Variants in VIT observed in about 807,000 individuals in gnomAD.
VIT encodes the protein vitrin.
A neutral mutation model predicts 78.0 loss-of-function variants in VIT; 99 were observed. The observed-to-expected ratio is 1.27, with a 90% CI of 1.08 to 1.50. VIT has a LOEUF of 1.50. Among genes scored for constraint, VIT ranks in the 40% most tolerant of loss-of-function variants. The pLI is 0.00. For missense variants in VIT, 1,126 were observed against 875.3 expected (o/e 1.29, Z -3.61); for synonymous variants, 374 against 334.3 (o/e 1.12, Z -1.29).
intron 1 of VIT, among the ~76,000 whole-genome samples, chr2:36,708,670 C>T (rs900936307): frequency 5.3e-5 from 8 of 152,134 alleles, no homozygotes; most frequent in African/African-American, 1.7e-4. Flanking sequence ...GCTCCTCTGT[C>T]GCTGGGTCCT....
intron 1 of VIT, among the ~76,000 whole-genome samples, chr2:36,708,694 C>T (rs892121532): frequency 2.0e-5 from 3 of 152,104 alleles, no homozygotes; most frequent in African/African-American, 7.2e-5. Context: ...CTTTCCTGTT[C>T]ACTCATTCAT....
At chr2:36,740,201 G>A (rs1283575908) in intron 3 of VIT, among the ~76,000 whole-genome samples, 1 of 152,186 alleles carries the variant, frequency 6.6e-6, no homozygotes, top group East Asian at 1.9e-4. Context: ...AGGAAGAAAG[G>A]AAAACCTAAG....
At chr2:36,794,567 G>A (rs962225738) in intron 12 of VIT, among the ~76,000 whole-genome samples, 1 of 152,184 alleles carries the variant, frequency 6.6e-6, no homozygotes, top group African/African-American at 2.4e-5. Flanking sequence ...ATTATGATTA[G>A]AGTGAAATTT....
chr2:36,747,339 T>C (rs180820592), intron 4 of VIT, among the ~76,000 whole-genome samples: 10 of 152,310 alleles, frequency 6.6e-5, no homozygotes, highest in Admixed American at 1.3e-4. Context: ...TGAGTGTAAG[T>C]CCAGAATTTC....
chr2:36,773,054 G>T (rs1040147221), intron 7 of VIT, among the ~76,000 whole-genome samples: 43 of 152,198 alleles, frequency 2.8e-4, no homozygotes, highest in Non-Finnish European at 1.9e-4. Context: ...ATAACCCATT[G>T]TGTACCTCTA....
intron 3 of VIT, among the ~76,000 whole-genome samples, chr2:36,741,833 G>A (rs1260912726): frequency 1.3e-5 from 2 of 152,090 alleles, no homozygotes; most frequent in Non-Finnish European, 2.9e-5. Flanking sequence ...AGTCCTTCAC[G>A]GACAATTTCA....
intron 9 of VIT, among the ~76,000 whole-genome samples, chr2:36,777,615 T>C (rs551428950): frequency 4.6e-5 from 7 of 152,222 alleles, no homozygotes; most frequent in African/African-American, 1.7e-4. Context: ...GAGCTTGCAA[T>C]ACCTAAAGTC....
chr2:36,759,065 T>C lies in VIT; in HGVS notation c.487+19T>C. The C allele has an allele frequency of 3.7e-6, 6 of 1,614,184 alleles. No homozygotes were observed. The highest frequency in any genetic ancestry group is 5.1e-6 in the Non-Finnish European group (6 of 1,180,024). ...CAAGCAGGCAAGTGCTCACGTGTGA[T>C]TGAATCTAAACCTTCTGAGTCCATG... On this transcript the variant is annotated intron_variant, in intron 6 of 15. Transcript: ENST00000379242.
intron 3 of VIT, among the ~76,000 whole-genome samples, chr2:36,735,184 G>GAAAAAAA (rs1667440239): frequency 6.6e-6 from 1 of 151,842 alleles, no homozygotes; most frequent in African/African-American, 2.4e-5. Flanking sequence ...AAGAAAAAAA[G>GAAAAAAA]AAAAAAGAAA....
At position 36,759,178 on chromosome 2, in the gene VIT, C is replaced by T. The variant is rs186250917; in HGVS notation, c.487+132C>T. ...GGCTCTGGCAATATTTTAACAGATG[C>T]CAGGAACATGGGCACAGAAATCAAT... On this transcript the variant is annotated intron_variant, in intron 6 of 15. Coordinates refer to ENST00000379242, the MANE Select transcript of VIT (RefSeq NM_053276.4). 8.7e-5 allele frequency: 138 copies of T among 1,586,200 alleles called. 2 individuals carry two copies. In the Admixed American group the frequency reaches 2.5e-3, roughly 29 times the overall value.
chr2:36,720,513 G>A (rs1281244939), intron 2 of VIT, among the ~76,000 whole-genome samples: 1 of 152,128 alleles, frequency 6.6e-6, no homozygotes, highest in East Asian at 1.9e-4. Flanking sequence ...TTAAAAAAAA[G>A]AAATCCTGTC....
At chr2:36,708,823 C>T (rs942315347) in intron 1 of VIT, among the ~76,000 whole-genome samples, 1 of 152,182 alleles carries the variant, frequency 6.6e-6, no homozygotes, top group Non-Finnish European at 1.5e-5. Flanking sequence ...GTTCCCAATG[C>T]TGTCTGCACA....
At position 36,763,070 on chromosome 2, in the gene VIT, A is replaced by G. The variant is rs542772791; in HGVS notation, c.487+4024A>G. ...ATCACAGCAAGAAAAGGGAAAGTAA[A>G]TCTTTGTTAGAGGCTACTGAGCTAG... is the stretch of plus-strand genomic sequence containing the variant. On this transcript the variant is annotated intron_variant, in intron 6 of 15. Coordinates refer to ENST00000379242, the MANE Select transcript of VIT (RefSeq NM_053276.4). 1.5e-4 allele frequency among the ~76,000 whole-genome samples: 23 copies of G among 152,306 alleles called. No individual in the cohort carries two copies. In the South Asian group the frequency reaches 4.8e-3, roughly 32 times the overall value.
chr2:36,787,718 AC>A, intron 12 of VIT: 1 of 387,502 alleles, frequency 2.6e-6, no homozygotes, highest in Non-Finnish European at 5.0e-6. Flanking sequence ...CAACCTATCC[AC>A]CTATAGGTTA....
At chr2:36,775,194 G>T in intron 9 of VIT, 127 bp downstream of exon 9, 3 of 1,028,390 alleles carry the variant, frequency 2.9e-6, no homozygotes, top group Non-Finnish European at 4.2e-6. Context: ...ACCAGAGTTT[G>T]GGAGCATGCT....
At chr2:36,809,116 G>T (rs1269832470) in intron 15 of VIT, 131 bp downstream of exon 15, 3 of 1,263,906 alleles carry the variant, frequency 2.4e-6, no homozygotes, top group Admixed American at 2.9e-5. Context: ...GTTCAAAGCC[G>T]CAGGGAGGGC....
At chr2:36,751,241 T>C (rs555573595) in intron 4 of VIT, among the ~76,000 whole-genome samples, 3 of 152,096 alleles carry the variant, frequency 2.0e-5, no homozygotes, top group Admixed American at 6.5e-5. Context: ...ACTAAAAATA[T>C]GAAAATCAGC....
chr2:36,767,400 C>G (rs1318693691), intron 7 of VIT, 115 bp downstream of exon 7: 24 of 1,116,448 alleles, frequency 2.1e-5, no homozygotes, highest in Non-Finnish European at 2.7e-5. Flanking sequence ...CACTGGAGAA[C>G]TGGGCCGGGG....
chr2:36,750,386 T>C (rs138495439), intron 4 of VIT, among the ~76,000 whole-genome samples: 1 of 152,314 alleles, frequency 6.6e-6, no homozygotes, highest in African/African-American at 2.4e-5. Context: ...GTCTTAAGGT[T>C]GCTTGTATTT....
Sources: gnomAD v4.1 joint callset for allele counts (sites outside exome capture counted in the v4.1 genomes callset) on GRCh38, gnomAD v4.1.1 for gene constraint, MANE v1.5 for transcripts, NCBI Gene and HGNC (gene_info 2026-07-23, HGNC 2026-07-21) for gene names.